C5orf47: variants seen among roughly 807,000 people sequenced by gnomAD.
C5orf47 encodes the protein chromosome 5 open reading frame 47, also known as uncharacterized protein C5orf47.
A neutral mutation model predicts 20.6 loss-of-function variants in C5orf47; 20 were observed. The observed-to-expected ratio is 0.97, with a 90% CI of 0.68 to 1.41. The LOEUF (loss-of-function observed/expected upper bound fraction) is 1.41. C5orf47 is among the 40% of genes most tolerant of loss of function. The probability of loss-of-function intolerance (pLI) is 0.00; values close to 1 mark genes in which losing one functional copy is unlikely to be tolerated. For synonymous variants in C5orf47, 106 were observed against 97.3 expected, an observed-to-expected ratio of 1.09 and a Z score of -0.53; for missense variants, 262 against 238.4, an observed-to-expected ratio of 1.10 and a Z score of -0.65.
intron 2 of C5orf47, among the ~76,000 whole-genome samples, chr5:173,999,119 T>C (rs1016837591): frequency 2.6e-5 from 4 of 152,176 alleles, no homozygotes; most frequent in Non-Finnish European, 4.4e-5. Context: ...TAATCCAATG[T>C]ATGAAGTTAT....
intron 1 of C5orf47, among the ~76,000 whole-genome samples, chr5:173,990,343 G>C (rs1325934488): frequency 6.6e-6 from 1 of 151,952 alleles, no homozygotes; most frequent in East Asian, 1.9e-4. Flanking sequence ...GGCTGGTCTC[G>C]AACTCCTGGG....
At chr5:173,991,565 A>G (rs982956543) in intron 1 of C5orf47, among the ~76,000 whole-genome samples, 4 of 150,748 alleles carry the variant, frequency 2.7e-5, no homozygotes, top group Admixed American at 6.6e-5. Context: ...TCTCAGGTCT[A>G]TGGAGATACT....
downstream of C5orf47, among the ~76,000 whole-genome samples, chr5:174,006,573 T>A (rs1278256685): frequency 6.6e-6 from 1 of 152,074 alleles, no homozygotes; most frequent in Non-Finnish European, 1.5e-5. Flanking sequence ...ATGTTAAAAT[T>A]TGGGAAAAGT....
chr5:173,997,496 G>A (rs996255879), intron 1 of C5orf47, among the ~76,000 whole-genome samples: 9 of 152,208 alleles, frequency 5.9e-5, no homozygotes, highest in African/African-American at 2.2e-4. Flanking sequence ...GGTAGTGTGA[G>A]TGGAAAGATG....
At chr5:173,996,246 G>A (rs1759095940) in intron 1 of C5orf47, among the ~76,000 whole-genome samples, 1 of 152,196 alleles carries the variant, frequency 6.6e-6, no homozygotes, top group African/African-American at 2.4e-5. Flanking sequence ...GGGTCAGAGT[G>A]GGTGGAAAGA....
rs1199467560 is a variant in C5orf47 at position 173,989,281 on chromosome 5, G to GGGTCGGGAGCAGGACTC, written c.21_37dup (p.Ala13ValfsTer12). The GGGTCGGGAGCAGGACTC allele has an allele frequency of 1.4e-6, 2 of 1,386,834 alleles. No individual in the cohort carries two copies. Among genetic ancestry groups the GGGTCGGGAGCAGGACTC allele is most frequent in the Non-Finnish European group, 1.9e-6 (2 of 1,066,716 alleles). The allele number at this position is 1,386,834 out of a possible 1,614,324, so 85.9% of individuals were successfully genotyped here. ...AGGCTGCGATGGCGGCGGCAGGCCGGGGTCGGGAGCAGGACTCGGCGCGCT... is the reference window on the plus strand; with the variant it reads ...AGGCTGCGATGGCGGCGGCAGGCCGGGGTCGGGAGCAGGACTCGGTCGGGAGCAGGACTCGGCGCGCT... On this transcript the variant is annotated frameshift_variant, in exon 1 of 5. Transcript: ENST00000340147. LOFTEE classifies it high-confidence loss of function.
In C5orf47 at chr5:174,004,624, T is replaced by C. The variant is rs1049051409; in HGVS notation, c.*370T>C. The C allele has an allele frequency of 6.6e-6, 1 of 152,332 alleles. No homozygotes were observed. Among genetic ancestry groups the C allele is most frequent in the Non-Finnish European group, 1.5e-5 (1 of 68,024 alleles). 9.4% of individuals were successfully genotyped at this position (152,332 alleles called of 1,614,324 possible). A position where few individuals can be genotyped will look rare whatever the true frequency, so the allele number is the denominator to read the frequency against. On this transcript the variant is annotated 3_prime_UTR_variant, in exon 5 of 5. Coordinates refer to ENST00000340147, the MANE Select transcript of C5orf47 (RefSeq NM_001144954.2). ...ATTTTATTAATGAGTCTACAACTGC[T>C]GCTTTGTTCATCTCTTCTTTTAGAT...
In C5orf47 at chr5:173,989,608, C is replaced by G; in HGVS notation, c.325+20C>G. The G allele has an allele frequency of 3.2e-5, 36 of 1,122,834 alleles. No homozygotes were observed. The highest frequency in any genetic ancestry group is 4.4e-5 in the East Asian group (1 of 22,960). 69.6% of individuals were successfully genotyped at this position (1,122,834 alleles called of 1,614,324 possible). On this transcript the variant is annotated intron_variant, in intron 1 of 4. Transcript: ENST00000340147. ...GTGCAGGTGGTGCAGCGGGGCAGGG[C>G]GGGACCGGGCGCGGCGGGGCGGGAC...
At chr5:173,998,815 A>T (rs975474654) in intron 2 of C5orf47, among the ~76,000 whole-genome samples, 2 of 152,194 alleles carry the variant, frequency 1.3e-5, no homozygotes, top group African/African-American at 4.8e-5. Flanking sequence ...TATTCAGTTT[A>T]AAGAAATTAT....
At chr5:174,009,482 T>G (rs552927996), downstream of C5orf47, among the ~76,000 whole-genome samples, 5 of 146,988 alleles carry the variant, frequency 3.4e-5, no homozygotes, top group African/African-American at 1.2e-4. Flanking sequence ...TTATAAGTTT[T>G]TCTGTCAACA....
At chr5:173,997,423 T>G (rs1291513606) in intron 1 of C5orf47, among the ~76,000 whole-genome samples, 2 of 152,168 alleles carry the variant, frequency 1.3e-5, no homozygotes, top group South Asian at 2.1e-4. Context: ...GGCAGCATGG[T>G]TTAGTGAGTA....
Position 173,999,794 on chromosome 5 carries a change from G to C in C5orf47, c.506G>C (p.Ser169Thr), listed in dbSNP as rs1759163883. 2.0e-6 allele frequency: 3 copies of C among 1,499,206 alleles called. No individual in the cohort carries two copies. Among genetic ancestry groups the C allele is most frequent in the Non-Finnish European group, 2.7e-6 (3 of 1,107,268 alleles). 92.9% of individuals were successfully genotyped at this position (1,499,206 alleles called of 1,614,324 possible). A position where few individuals can be genotyped will look rare whatever the true frequency, so the allele number is the denominator to read the frequency against. ...RHRLKCQRLS[S>T]ESSNYTR is the part of the protein sequence containing the mutation. ...AGGCTGAAATGCCAAAGGTTATCTAGTGAAAGTAAGTTAACACAATTTTTA... is the reference window on the plus strand; with the variant it reads ...AGGCTGAAATGCCAAAGGTTATCTACTGAAAGTAAGTTAACACAATTTTTA... Residue 169 changes from serine to threonine, a missense_variant, in exon 3 of 5, where the codon AGT (serine) becomes ACT (threonine). Coordinates refer to ENST00000340147, the MANE Select transcript of C5orf47 (RefSeq NM_001144954.2).
At position 173,989,550 on chromosome 5, in the gene C5orf47, C is replaced by T. The variant is rs1460051162; in HGVS notation, c.287C>T (p.Ser96Leu). Residue 96 changes from serine to leucine, a missense_variant, in exon 1 of 5, where the codon TCG becomes TTG. By Grantham distance (145) the Ser-to-Leu change is moderately radical. Transcript: ENST00000340147. ...TCTGCCTCCTCCCAGCTGCGGGCAT[C>T]GAGAGTTCAGAGCGGCACCAGACAG... ...AASASSQLRA[S>L]RVQSGTRQSA... The T allele has an allele frequency of 1.2e-5, 18 of 1,513,318 alleles. No homozygotes were observed. Among genetic ancestry groups the T allele is most frequent in the Non-Finnish European group, 1.6e-5 (18 of 1,130,746 alleles). 93.7% of individuals were successfully genotyped at this position (1,513,318 alleles called of 1,614,324 possible).
intron 1 of C5orf47, among the ~76,000 whole-genome samples, chr5:173,995,269 C>T (rs142771962): frequency 1.6e-4 from 25 of 152,164 alleles, no homozygotes; most frequent in Non-Finnish European, 7.4e-5. Context: ...AGTCTGCTCT[C>T]GAGGGACTTA....
intron 1 of C5orf47, 50 bp from the exon 2 acceptor site, chr5:173,998,103 T>A: frequency 1.9e-6 from 2 of 1,060,014 alleles, no homozygotes; most frequent in Non-Finnish European, 2.8e-6. Context: ...TATTTTCAGA[T>A]AGTAAATCCT....
rs1759275498 is a variant in C5orf47 at position 174,005,564 on chromosome 5, G to GGTCACACA, written c.*1311_*1318dup. 6.6e-6 allele frequency: 1 copy of GGTCACACA among 152,172 alleles called. No homozygotes were observed. Among genetic ancestry groups the GGTCACACA allele is most frequent in the African/African-American group, 2.4e-5 (1 of 41,398 alleles). The allele number at this position is 152,172 out of a possible 1,614,324, so 9.4% of individuals were successfully genotyped here. A position where few individuals can be genotyped will look rare whatever the true frequency, so the allele number is the denominator to read the frequency against. On this transcript the variant is annotated 3_prime_UTR_variant, in exon 5 of 5. Transcript: ENST00000340147. ...GGCTCTCAAGTTTCCCTGCATTGAG[G>GGTCACACA]GTCACACAACTTCTTTATATTATGC...
chr5:173,999,951 A>G (rs149619131), intron 3 of C5orf47, among the ~76,000 whole-genome samples, 152 bp downstream of exon 3: 180 of 152,114 alleles, frequency 1.2e-3, no homozygotes, highest in South Asian at 6.9e-3. Flanking sequence ...ACTATTCATC[A>G]TAATTAGAAG....
At chr5:173,990,658 G>A (rs1401814968) in intron 1 of C5orf47, among the ~76,000 whole-genome samples, 8 of 151,904 alleles carry the variant, frequency 5.3e-5, no homozygotes, top group Non-Finnish European at 2.9e-5. Flanking sequence ...GGTTGATCTC[G>A]AAATCTTGAC....
At chr5:173,994,619 C>T (rs1007473746) in intron 1 of C5orf47, among the ~76,000 whole-genome samples, 4 of 152,106 alleles carry the variant, frequency 2.6e-5, no homozygotes, top group Admixed American at 6.5e-5. Flanking sequence ...GGAAGAATTG[C>T]GGCCAAGTCT....
Sources: allele counts gnomAD v4.1 joint callset (sites outside exome capture counted in the v4.1 genomes callset), GRCh38; gene constraint gnomAD v4.1.1; transcripts MANE v1.5; gene names NCBI Gene and HGNC (gene_info 2026-07-23, HGNC 2026-07-21).